Variants in ZNF469 observed in about 807,000 individuals in gnomAD.
ZNF469 encodes zinc finger protein 469.
A neutral mutation model predicts 1.0 loss-of-function variants in ZNF469; 1 was observed. The observed-to-expected ratio is 1.00, with a 90% CI of 0.35 to 4.73. The LOEUF (loss-of-function observed/expected upper bound fraction) is 4.73. Among genes scored for constraint, ZNF469 ranks in the 30% most tolerant of loss-of-function variants. The pLI is 0.16. For missense variants in ZNF469, 6,100 were observed against 5,356.3 expected (o/e 1.14, Z -4.33); for synonymous variants, 2,703 against 2,363.4 (o/e 1.14, Z -4.17).
chr16:88,428,528 G>C lies in ZNF469; in HGVS notation c.1058G>C (p.Gly353Ala), dbSNP rs2142298745. ...CTGAACCGCCACAGCGACCTCAGTG[G>C]TGCCCTCTCTTCCCCTGGAGCTGCT... Reference protein sequence around the residue: ...GGLNRHSDLSGALSSPGAAHS... With the variant: ...GGLNRHSDLSAALSSPGAAHS... Residue 353 changes from glycine to alanine, a missense_variant, in exon 3 of 3, where the codon GGT becomes GCT. Gly to Ala is a moderately conservative substitution (Grantham distance 60, BLOSUM62 0). Transcript: ENST00000565624. 5.8e-6 allele frequency: 9 copies of C among 1,549,952 alleles called. No individual in the cohort carries two copies. Among genetic ancestry groups the C allele is most frequent in the Non-Finnish European group, 7.8e-6 (9 of 1,146,808 alleles).
At chr16:88,328,132 A>G in the ZNF469 span, among the ~76,000 whole-genome samples, 1 of 152,206 alleles carries the variant, frequency 6.6e-6, no homozygotes, top group Non-Finnish European at 1.5e-5. Context: ...GGTCCCAGGG[A>G]AGGAGGAGCT....
intron 1 of ZNF469, among the ~76,000 whole-genome samples, chr16:88,417,165 T>G (rs1307531497): frequency 1.0e-4 from 11 of 110,130 alleles, no homozygotes; most frequent in Non-Finnish European, 1.7e-4. Flanking sequence ...CCACCCACCC[T>G]GCCCAGAGCG....
chr16:88,416,498 C>T (rs975693257), intron 1 of ZNF469, among the ~76,000 whole-genome samples: 3 of 152,134 alleles, frequency 2.0e-5, no homozygotes, highest in African/African-American at 2.4e-5. Flanking sequence ...TGTGTGACTT[C>T]GGCAGGATCT....
rs1326898735 is a variant in ZNF469, at chr16:88,428,940, C to T, written c.1470C>T (p.Thr490=). Residue 490 remains threonine (T), a synonymous_variant, in exon 3 of 3, where the codon ACC becomes ACT. Coordinates refer to ENST00000565624, the MANE Select transcript of ZNF469 (RefSeq NM_001367624.2). Reference sequence around the variant, plus strand: ...TGCCTTGGCCCCAAGTGCTCCCGACCGCCCGGCCAAGTCCCCACGGAATGG... The same window carrying T: ...TGCCTTGGCCCCAAGTGCTCCCGACTGCCCGGCCAAGTCCCCACGGAATGG... ...APLPWPQVLP[T]ARPSPHGMEM... is the part of the protein sequence containing the mutation. The T allele has an allele frequency of 7.1e-6, 11 of 1,546,712 alleles. No individual in the cohort carries two copies. The East Asian group carries it at 7.3e-5, about 10-fold the overall frequency.
the ZNF469 span, among the ~76,000 whole-genome samples, chr16:88,263,028 A>C: frequency 6.6e-6 from 1 of 152,108 alleles, no homozygotes. Flanking sequence ...CCCCCGGGAG[A>C]AGCAGACCTG....
Position 88,427,622 on chromosome 16 carries a change from C to T in ZNF469, c.152C>T (p.Ala51Val). The T allele has an allele frequency of 6.5e-7, 1 of 1,537,300 alleles. No individual in the cohort carries two copies. Among genetic ancestry groups the T allele is most frequent in the Non-Finnish European group, 8.7e-7 (1 of 1,146,498 alleles). Residue 51 changes from alanine (A) to valine (V), a missense_variant, in exon 3 of 3, where the codon GCT becomes GTT. By Grantham distance (64) the Ala-to-Val change is moderately conservative. Coordinates refer to ENST00000565624, the MANE Select transcript of ZNF469 (RefSeq NM_001367624.2). ...AGGACCACCAAGGGTGCCAGGGAGG[C>T]TGGCGGCCAGGCCCAGGCCATGGAG... ...ATRTTKGARE[A>V]GGQAQAMELP...
the ZNF469 span, among the ~76,000 whole-genome samples, chr16:88,350,954 C>G: frequency 0.011 from 1,607 of 152,360 alleles, 38 homozygotes; most frequent in African/African-American, 0.036. Context: ...ACCCTGACTT[C>G]CAGAACTGTG....
At chr16:88,338,968 C>G in the ZNF469 span, among the ~76,000 whole-genome samples, 283 of 152,038 alleles carry the variant, frequency 1.9e-3, no homozygotes, top group African/African-American at 6.4e-3. Flanking sequence ...GCACTTTGTT[C>G]TGGAAGCCCC....
At chr16:88,372,264 C>CT in the ZNF469 span, among the ~76,000 whole-genome samples, 124 of 88,292 alleles carry the variant, frequency 1.4e-3, no homozygotes, top group Non-Finnish European at 1.7e-3. Context: ...CCATCATCGT[C>CT]ACCATCACCA....
the ZNF469 span, among the ~76,000 whole-genome samples, chr16:88,330,039 T>C: frequency 6.6e-6 from 1 of 152,198 alleles, no homozygotes; most frequent in East Asian, 1.9e-4. Context: ...CCTGATGCCA[T>C]CCACATGAAA....
the ZNF469 span, among the ~76,000 whole-genome samples, chr16:88,340,312 G>A: frequency 1.3e-5 from 2 of 152,156 alleles, no homozygotes; most frequent in Admixed American, 1.3e-4. Context: ...TGGGCCAGGT[G>A]TCAAAGGCCA....
At position 88,433,412 on chromosome 16, in the gene ZNF469, G is replaced by C. The variant is rs548906722; in HGVS notation, c.5942G>C (p.Gly1981Ala). Residue 1981 changes from glycine to alanine, a missense_variant, in exon 3 of 3, where the codon GGA (glycine) becomes GCA (alanine). Coordinates refer to ENST00000565624, the MANE Select transcript of ZNF469 (RefSeq NM_001367624.2). ...AGHQLGLEADGHWGLLGQAEK... is the reference protein window; with the variant it reads ...AGHQLGLEADAHWGLLGQAEK... ...CATCAGCTGGGGCTGGAGGCAGATG[G>C]ACATTGGGGCTTGCTTGGCCAAGCC... 4.5e-6 allele frequency: 7 copies of C among 1,550,362 alleles called. No individual in the cohort carries two copies. In the African/African-American group the frequency reaches 6.8e-5, roughly 15 times the overall value.
At chr16:88,140,909 G>A in the ZNF469 span, among the ~76,000 whole-genome samples, 2 of 152,106 alleles carry the variant, frequency 1.3e-5, no homozygotes, top group African/African-American at 4.8e-5. Context: ...CTGCAGCCTG[G>A]GTGACAGAAG....
chr16:88,365,086 G>A, the ZNF469 span, among the ~76,000 whole-genome samples: 15 of 152,128 alleles, frequency 9.9e-5, no homozygotes, highest in Admixed American at 2.0e-4. Context: ...TTGATTTTCC[G>A]ATTGCATGTG....
At chr16:88,249,225 T>A in the ZNF469 span, among the ~76,000 whole-genome samples, 4 of 5,010 alleles carry the variant, frequency 8.0e-4, no homozygotes, top group Admixed American at 3.8e-3. Context: ...CAGCTTCTGT[T>A]TAAAAAAAAA....
At chr16:88,392,511 G>T (rs181001182) in intron 1 of ZNF469, among the ~76,000 whole-genome samples, 78 of 152,352 alleles carry the variant, frequency 5.1e-4, no homozygotes, top group Admixed American at 4.2e-3. Flanking sequence ...CGGTGGGCCT[G>T]GATCAGACCC....
chr16:88,401,302 G>A (rs1490061169), intron 1 of ZNF469, among the ~76,000 whole-genome samples: 1 of 152,222 alleles, frequency 6.6e-6, no homozygotes, highest in East Asian at 1.9e-4. Flanking sequence ...TTGAGGCTGG[G>A]CAGTGGGGGA....
the ZNF469 span, among the ~76,000 whole-genome samples, chr16:88,135,179 G>A: frequency 1.3e-5 from 2 of 152,242 alleles, no homozygotes; most frequent in Admixed American, 1.3e-4. Flanking sequence ...GTGGGGCAGG[G>A]CTATGAAGGA....
chr16:88,304,445 C>T, the ZNF469 span, among the ~76,000 whole-genome samples: 16 of 152,208 alleles, frequency 1.1e-4, no homozygotes, highest in Non-Finnish European at 1.5e-4. Context: ...GGCCTCCATC[C>T]AGACCTCTCT....
Sources: gnomAD v4.1 joint callset for allele counts (sites outside exome capture counted in the v4.1 genomes callset) on GRCh38, gnomAD v4.1.1 for gene constraint, MANE v1.5 for transcripts, NCBI Gene and HGNC (gene_info 2026-07-23, HGNC 2026-07-21) for gene names.